PKHD1L1: variants seen among roughly 807,000 people sequenced by gnomAD.
PKHD1L1 encodes the protein PKHD1 like 1.
A neutral mutation model predicts 462.9 loss-of-function variants in PKHD1L1; 434 were observed. That is an observed-to-expected ratio of 0.94 (90% CI 0.87 to 1.02). The LOEUF (loss-of-function observed/expected upper bound fraction) is 1.02, where lower values mean the gene tolerates loss of function less well. Ranked by LOEUF, PKHD1L1 falls within the 50% of genes least tolerant of loss-of-function variation. The pLI, the probability that PKHD1L1 is intolerant of heterozygous loss-of-function variation, is 0.00. For missense variants in PKHD1L1, 5,202 were observed against 5,096.1 expected (o/e 1.02, Z -0.63); for synonymous variants, 1,781 against 1,750.0 (o/e 1.02, Z -0.44).
At chr8:109,412,228 A>C in intron 19 of PKHD1L1, 37 bp from the exon 20 acceptor site, 2 of 1,607,594 alleles carry the variant, frequency 1.2e-6, no homozygotes, top group Non-Finnish European at 1.7e-6. Context: ...CAGAACAATA[A>C]ATCATGTTTT....
intron 50 of PKHD1L1, among the ~76,000 whole-genome samples, chr8:109,469,351 G>T (rs376699254): frequency 2.0e-4 from 30 of 152,112 alleles, no homozygotes; most frequent in East Asian, 1.2e-3. Context: ...TATGAAGAAG[G>T]CTGCCTGAAA....
chr8:109,397,121 G>A (rs947484812), intron 11 of PKHD1L1, among the ~76,000 whole-genome samples: 2 of 152,026 alleles, frequency 1.3e-5, no homozygotes, highest in African/African-American at 4.8e-5. Flanking sequence ...TATATACTAT[G>A]TTTTATAATC....
intron 50 of PKHD1L1, among the ~76,000 whole-genome samples, chr8:109,467,624 C>T (rs1203351725): frequency 1.3e-5 from 2 of 152,054 alleles, no homozygotes; most frequent in Admixed American, 6.6e-5. Context: ...AGATCTGTAT[C>T]TCTATCTCTT....
intron 2 of PKHD1L1, among the ~76,000 whole-genome samples, chr8:109,377,988 T>A (rs1220565351): frequency 6.6e-6 from 1 of 152,212 alleles, no homozygotes; most frequent in South Asian, 2.1e-4. Flanking sequence ...ATTACCCTTT[T>A]GTCTCTTTCT....
At position 109,482,966 on chromosome 8, in the gene PKHD1L1, GAGT is replaced by G; in HGVS notation, c.9458-20_9458-18del. 1 of 1,490,996 alleles carries G rather than the reference GAGT, an allele frequency of 6.7e-7. No individual in the cohort carries two copies. Among genetic ancestry groups the G allele is most frequent in the Non-Finnish European group, 9.2e-7 (1 of 1,088,110 alleles). 92.4% of individuals were successfully genotyped at this position (1,490,996 alleles called of 1,614,324 possible). A position where few individuals can be genotyped will look rare whatever the true frequency, so the allele number is the denominator to read the frequency against. Reference sequence around the variant, plus strand: ...TCAGTACTGTGGGGTGAATAAGTAGGAGTGTGCTTTTCTTCTTTAGGGGTGTTT... The same window carrying G: ...TCAGTACTGTGGGGTGAATAAGTAGGGTGCTTTTCTTCTTTAGGGGTGTTT... On this transcript the variant is annotated intron_variant, in intron 56 of 77. Transcript: ENST00000378402.
chr8:109,382,563 A>G lies in PKHD1L1; in HGVS notation c.409A>G (p.Thr137Ala). ...AGGTCACATCAACAGCTGGGAATGT[A>G]CCTTCAACGTATGTAGGAATCTTCT... Reference protein sequence around the residue: ...CKGHINSWECTFNAKSFRTPT... With the variant: ...CKGHINSWECAFNAKSFRTPT... The change falls in exon 4 of 78, where the codon ACC becomes GCC. Residue 137 changes from threonine (T) to alanine (A), a missense_variant. Thr to Ala is a moderately conservative substitution (Grantham distance 58, BLOSUM62 0). Transcript: ENST00000378402. 6.2e-7 allele frequency: 1 copy of G among 1,608,840 alleles called. No homozygotes were observed. The highest frequency in any genetic ancestry group is 8.5e-7 in the Non-Finnish European group (1 of 1,177,058).
chr8:109,457,143 A>G (rs905126712), intron 46 of PKHD1L1, among the ~76,000 whole-genome samples: 3 of 152,178 alleles, frequency 2.0e-5, no homozygotes, highest in Non-Finnish European at 2.9e-5. Flanking sequence ...TGTGATTATT[A>G]GGAAATGAAC....
At position 109,531,630 on chromosome 8, in the gene PKHD1L1, A is replaced by G. The variant is rs1821044191; in HGVS notation, c.*1540A>G. Among the ~76,000 whole-genome samples the G allele has an allele frequency of 6.6e-6, 1 of 152,212 alleles. No individual in the cohort carries two copies. The highest frequency in any genetic ancestry group is 1.5e-5 in the Non-Finnish European group (1 of 68,044). On this transcript the variant is annotated 3_prime_UTR_variant, in exon 78 of 78. Transcript: ENST00000378402. ...CACTGAAGGCCTAGGGGCTACAGAA[A>G]AAATTCAAATGAACAGCTGGAATGG...
intron 53 of PKHD1L1, among the ~76,000 whole-genome samples, chr8:109,477,742 T>A (rs1353465763): frequency 1.3e-5 from 2 of 152,154 alleles, no homozygotes; most frequent in Non-Finnish European, 2.9e-5. Flanking sequence ...TGATGGCATA[T>A]CCAGTACAGC....
chr8:109,402,605 C>G (rs570709701), intron 14 of PKHD1L1, among the ~76,000 whole-genome samples: 123 of 152,294 alleles, frequency 8.1e-4, no homozygotes, highest in Non-Finnish European at 1.5e-3. Context: ...CTCTGCAATA[C>G]TCTGTCTGTG....
Position 109,535,602 on chromosome 8 carries a change from G to A in PKHD1L1, c.*5512G>A, listed in dbSNP as rs78412674. ...CCCCAAACAAACAATTCAAAATTAA[G>A]AGTTTAAAAAGCAACAATCAAGACA... On this transcript the variant is annotated 3_prime_UTR_variant, in exon 78 of 78. Transcript: ENST00000378402. Among the ~76,000 whole-genome samples the A allele has an allele frequency of 4.6e-5, 7 of 152,246 alleles. No homozygotes were observed. The East Asian group carries it at 1.3e-3, about 29-fold the overall frequency.
Position 109,523,371 on chromosome 8 carries a change from A to C in PKHD1L1, c.12469A>C (p.Thr4157Pro), listed in dbSNP as rs550912000. 6.2e-7 allele frequency: 1 copy of C among 1,612,632 alleles called. No homozygotes were observed. Among genetic ancestry groups the C allele is most frequent in the East Asian group, 2.2e-5 (1 of 44,844 alleles). Residue 4157 changes from threonine (T) to proline (P), a missense_variant, in exon 76 of 78, where the codon ACT (threonine) becomes CCT (proline). This residue lies in a region of PKHD1L1 where 698 missense variants were observed against 736.3 expected (regional missense o/e 0.95). Coordinates refer to ENST00000378402, the MANE Select transcript of PKHD1L1 (RefSeq NM_177531.6). ...SSCWANYTDL[T>P]PLRTGKNYKI... ...CTGTTGGGCCAACTACACAGACCTT[A>C]CTCCCCTTAGAACAGGTGGGTGCAC...
rs866507492 is a variant in PKHD1L1, at chr8:109,445,338, G to A, written c.5469G>A (p.Leu1823=). 8 of 1,613,794 alleles carry A rather than the reference G, an allele frequency of 5.0e-6. No homozygotes were observed. In the African/African-American group the frequency reaches 1.1e-4, roughly 22 times the overall value. The part of the protein sequence containing the change: ...SVVVGSKGLA[L]GNLTVSSPPV... ...TGGTGGGAAGTAAAGGCTTGGCTCTGGGAAACCTGACTGTCAGCAGCCCCC... is the reference window on the plus strand; with the variant it reads ...TGGTGGGAAGTAAAGGCTTGGCTCTAGGAAACCTGACTGTCAGCAGCCCCC... Residue 1823 remains leucine, a synonymous_variant, in exon 38 of 78, where the codon CTG becomes CTA. Coordinates refer to ENST00000378402, the MANE Select transcript of PKHD1L1 (RefSeq NM_177531.6).
chr8:109,464,327 T>C lies in PKHD1L1; in HGVS notation c.7495T>C (p.Tyr2499His). The C allele has an allele frequency of 6.2e-7, 1 of 1,613,326 alleles. No homozygotes were observed. The highest frequency in any genetic ancestry group is 8.5e-7 in the Non-Finnish European group (1 of 1,179,566). ...YVRGCAIHQA[Y>H]NRAVTIHNTH... is the part of the protein sequence containing the mutation. ...AAGAGGCTGTGCAATTCACCAGGCC[T>C]ATAACAGAGCTGTTACTATTCATAA... The change falls in exon 49 of 78, where the codon TAT (tyrosine) becomes CAT (histidine). Residue 2499 changes from tyrosine to histidine, a missense_variant. Transcript: ENST00000378402.
rs1815416718 is a variant in PKHD1L1 at position 109,436,441 on chromosome 8, A to G, written c.3609A>G (p.Ile1203Met). ...TGATTGAAGGGGATTTGAATAGGATAACCTGCAGGACACCAAAAGTAAGGC... is the reference window on the plus strand; with the variant it reads ...TGATTGAAGGGGATTTGAATAGGATGACCTGCAGGACACCAAAAGTAAGGC... Reference protein sequence around the residue: ...CNVIEGDLNRITCRTPKKTEG... With the variant: ...CNVIEGDLNRMTCRTPKKTEG... The change falls in exon 30 of 78, where the codon ATA (isoleucine) becomes ATG (methionine). Residue 1203 changes from isoleucine (I) to methionine (M), a missense_variant. Physicochemically the swap from Ile to Met is conservative, Grantham distance 10. Transcript: ENST00000378402. 1 of 1,612,892 alleles carries G rather than the reference A, an allele frequency of 6.2e-7. No homozygotes were observed. The highest frequency in any genetic ancestry group is 1.1e-5 in the South Asian group (1 of 90,848).
At chr8:109,386,880 G>T (rs533847261) in intron 6 of PKHD1L1, among the ~76,000 whole-genome samples, 24 of 152,102 alleles carry the variant, frequency 1.6e-4, no homozygotes, top group Non-Finnish European at 2.5e-4. Context: ...TTAATATAAA[G>T]ATTTGGATGG....
In PKHD1L1 at chr8:109,451,059, T is replaced by A; in HGVS notation, c.6260T>A (p.Val2087Glu). Reference sequence around the variant, plus strand: ...TCCATGACTCCGTTTACGTACGCAGTGTCACTGACTCCACTCATCACTGCA... The same window carrying A: ...TCCATGACTCCGTTTACGTACGCAGAGTCACTGACTCCACTCATCACTGCA... Reference protein sequence around the residue: ...SQSMTPFTYAVSLTPLITAVS... With the variant: ...SQSMTPFTYAESLTPLITAVS... The change falls in exon 41 of 78, where the codon GTG becomes GAG. Residue 2087 changes from valine to glutamate, a missense_variant. Coordinates refer to ENST00000378402, the MANE Select transcript of PKHD1L1 (RefSeq NM_177531.6). The A allele has an allele frequency of 6.2e-7, 1 of 1,613,858 alleles. No homozygotes were observed. The highest frequency in any genetic ancestry group is 8.5e-7 in the Non-Finnish European group (1 of 1,179,810).
At position 109,489,949 on chromosome 8, in the gene PKHD1L1, T is replaced by G; in HGVS notation, c.9881-3T>G. ...ACAAATTTTAAATCTTTCCCTACCTTAGGAAATGCAAGAATAAGTAATGTG... is the reference window on the plus strand; with the variant it reads ...ACAAATTTTAAATCTTTCCCTACCTGAGGAAATGCAAGAATAAGTAATGTG... On this transcript the variant is annotated splice_polypyrimidine_tract_variant and splice_region_variant and intron_variant, in intron 59 of 77. Transcript: ENST00000378402. 10 of 1,568,300 alleles carry G rather than the reference T, an allele frequency of 6.4e-6. No homozygotes were observed. The highest frequency in any genetic ancestry group is 8.8e-6 in the Non-Finnish European group (10 of 1,141,420).
At chr8:109,515,386 T>A in intron 72 of PKHD1L1, 81 bp downstream of exon 72, 1 of 1,134,266 alleles carries the variant, frequency 8.8e-7, no homozygotes, top group African/African-American at 1.6e-5. Context: ...TTAGTATTTT[T>A]AATTCCTTAT....
Sources: allele counts gnomAD v4.1 joint callset (sites outside exome capture counted in the v4.1 genomes callset), GRCh38; gene constraint gnomAD v4.1.1; regional missense constraint gnomAD v4.1.1; transcripts MANE v1.5; gene names NCBI Gene and HGNC (gene_info 2026-07-23, HGNC 2026-07-21).